The following MACROD2 variants were observed in gnomAD, a reference collection of about 807,000 sequenced individuals.
MACROD2 encodes mono-ADP ribosylhydrolase 2, also known as ADP-ribose glycohydrolase MACROD2.
In MACROD2, 36 loss-of-function variants were observed where a neutral mutation model predicts 70.4. The observed-to-expected ratio is 0.51, with a 90% confidence interval of 0.39 to 0.68. MACROD2 has a LOEUF of 0.68. Ranked by LOEUF, MACROD2 falls within the 30% of genes least tolerant of loss-of-function variation. The probability of loss-of-function intolerance (pLI) is 0.00; values close to 1 mark genes in which losing one functional copy is unlikely to be tolerated. For missense variants in MACROD2, 496 were observed against 538.4 expected, an observed-to-expected ratio of 0.92 and a Z score of 0.78; for synonymous variants, 172 against 178.8, an observed-to-expected ratio of 0.96 and a Z score of 0.30.
chr20:14,274,868 G>A (rs2122373603), intron 3 of MACROD2, among the ~76,000 whole-genome samples: 1 of 150,634 alleles, frequency 6.6e-6, no homozygotes, highest in African/African-American at 2.4e-5. Flanking sequence ...CAAACAGAGA[G>A]CCAAATCATG....
intron 3 of MACROD2, among the ~76,000 whole-genome samples, chr20:14,141,657 A>G (rs528752584): frequency 1.4e-5 from 2 of 147,522 alleles, no homozygotes; most frequent in South Asian, 4.6e-4. Context: ...AGGCAGGAGA[A>G]TTGCTTGAAC....
At chr20:14,340,145 T>G (rs1359265613) in intron 3 of MACROD2, among the ~76,000 whole-genome samples, 4 of 152,152 alleles carry the variant, frequency 2.6e-5, no homozygotes, top group African/African-American at 9.7e-5. Context: ...CTGGCAATCT[T>G]TAGCATGAAA....
chr20:14,228,193 AGT>A (rs1569216034), intron 3 of MACROD2, among the ~76,000 whole-genome samples: 19 of 151,538 alleles, frequency 1.3e-4, no homozygotes, highest in African/African-American at 4.4e-4. Flanking sequence ...AGAGAGAGAG[AGT>A]GTGTGTGTGC....
intron 12 of MACROD2, among the ~76,000 whole-genome samples, chr20:15,953,585 T>A (rs1568664599): frequency 1.3e-5 from 2 of 152,206 alleles, no homozygotes; most frequent in Non-Finnish European, 2.9e-5. Context: ...CTTTTTTGAA[T>A]CTCAGCTAAT....
At chr20:14,502,525 G>T (rs1035155506) in intron 4 of MACROD2, among the ~76,000 whole-genome samples, 10 of 152,110 alleles carry the variant, frequency 6.6e-5, no homozygotes, top group Admixed American at 2.0e-4. Flanking sequence ...TAAAATGATG[G>T]TTATAATGGT....
intron 8 of MACROD2, among the ~76,000 whole-genome samples, chr20:15,825,170 C>T (rs2063983418): frequency 6.6e-6 from 1 of 152,144 alleles, no homozygotes; most frequent in Non-Finnish European, 1.5e-5. Flanking sequence ...GTCATGCCCC[C>T]CACTGAAAGG....
At chr20:15,760,586 A>G (rs375978119) in intron 8 of MACROD2, among the ~76,000 whole-genome samples, 7 of 152,154 alleles carry the variant, frequency 4.6e-5, no homozygotes, top group African/African-American at 1.2e-4. Flanking sequence ...GGAATAGGTC[A>G]TGCATCTCTG....
intron 7 of MACROD2, among the ~76,000 whole-genome samples, chr20:15,433,199 G>A (rs2146360676): frequency 6.6e-6 from 1 of 152,056 alleles, no homozygotes; most frequent in Admixed American, 6.6e-5. Flanking sequence ...GGAAATTTTA[G>A]CCAGAGCAAT....
chr20:15,898,549 T>TAAAAAAAAAAAAAAAAA (rs10678216), intron 10 of MACROD2, among the ~76,000 whole-genome samples: 1 of 94,530 alleles, frequency 1.1e-5, no homozygotes, highest in Non-Finnish European at 1.9e-5. Context: ...AGACTCAGTC[T>TAAAAAAAAAAAAAAAAA]AAAAAAAAAA....
intron 8 of MACROD2, among the ~76,000 whole-genome samples, chr20:15,753,164 G>A (rs570522698): frequency 5.9e-5 from 9 of 151,996 alleles, no homozygotes; most frequent in Admixed American, 1.3e-4. Flanking sequence ...GGAGGTACAC[G>A]TGCAGATTTG....
At chr20:14,050,038 A>G (rs1379698127) in intron 2 of MACROD2, among the ~76,000 whole-genome samples, 3 of 150,650 alleles carry the variant, frequency 2.0e-5, no homozygotes, top group Admixed American at 6.7e-5. Flanking sequence ...GTGAGCCGAG[A>G]TCGCACCATT....
In MACROD2 at chr20:14,237,975, T is replaced by C. The variant is rs544091543; in HGVS notation, c.271+152247T>C. Among the ~76,000 whole-genome samples the C allele has an allele frequency of 8.0e-3, 1,210 of 152,114 alleles. 15 individuals carry two copies. The highest frequency in any genetic ancestry group is 0.028 in the African/African-American group (1,149 of 41,462). On this transcript the variant is annotated intron_variant, in intron 3 of 17. Coordinates refer to ENST00000684519, the MANE Select transcript of MACROD2 (RefSeq NM_001351661.2). ...GACCTTTGGGTTGGTTCCAAGTCTT[T>C]GCTATTGTGAATAGTGCCACAATAA... is the stretch of plus-strand genomic sequence containing the variant.
chr20:14,708,284 A>G (rs1324306497), intron 5 of MACROD2, among the ~76,000 whole-genome samples: 7 of 152,224 alleles, frequency 4.6e-5, no homozygotes, highest in Non-Finnish European at 8.8e-5. Context: ...GCCAGATAGT[A>G]AATATGTTCA....
intron 5 of MACROD2, among the ~76,000 whole-genome samples, chr20:14,703,363 G>T (rs1411708159): frequency 2.0e-5 from 3 of 152,090 alleles, no homozygotes; most frequent in African/African-American, 7.2e-5. Context: ...AGTCACGCAG[G>T]AATATTTACT....
intron 5 of MACROD2, among the ~76,000 whole-genome samples, chr20:14,787,115 T>G (rs1318402353): frequency 6.6e-6 from 1 of 152,124 alleles, no homozygotes; most frequent in African/African-American, 2.4e-5. Context: ...ATTTTTGATC[T>G]GTCATGTACA....
chr20:14,414,939 T>C (rs896309908), intron 3 of MACROD2, among the ~76,000 whole-genome samples: 1 of 152,024 alleles, frequency 6.6e-6, no homozygotes, highest in African/African-American at 2.4e-5. Flanking sequence ...GTTTTTTTTT[T>C]TTTCCCATGG....
intron 6 of MACROD2, among the ~76,000 whole-genome samples, chr20:15,400,912 G>A (rs912190208): frequency 1.3e-5 from 2 of 152,206 alleles, no homozygotes; most frequent in Non-Finnish European, 2.9e-5. Flanking sequence ...GGAGGGAAGA[G>A]AAATGACAGA....
chr20:15,583,498 A>C (rs1302767654), intron 8 of MACROD2, among the ~76,000 whole-genome samples: 1 of 152,160 alleles, frequency 6.6e-6, no homozygotes, highest in Non-Finnish European at 1.5e-5. Context: ...TGTAGCTTGT[A>C]ATCTCCTACG....
At position 15,937,481 on chromosome 20, in the gene MACROD2, G is replaced by C. The variant is rs1221130900; in HGVS notation, c.844G>C (p.Val282Leu). The C allele has an allele frequency of 5.0e-6, 8 of 1,613,286 alleles. No homozygotes were observed. Among genetic ancestry groups the C allele is most frequent in the Non-Finnish European group, 6.8e-6 (8 of 1,179,448 alleles). Reference sequence around the variant, plus strand: ...GTTTCTTTTCTGCTTTATAGATGGTGTCAACACTGTCACTGTGCCCGGCCC... The same window carrying C: ...GTTTCTTTTCTGCTTTATAGATGGTCTCAACACTGTCACTGTGCCCGGCCC... Reference protein sequence around the residue: ...MEEQSQDADGVNTVTVPGPAS... With the variant: ...MEEQSQDADGLNTVTVPGPAS... The change falls in exon 12 of 18, where the codon GTC (valine) becomes CTC (leucine). Residue 282 changes from valine to leucine, a missense_variant. Physicochemically the swap from Val to Leu is conservative, Grantham distance 32. Transcript: ENST00000684519.
Sources: gnomAD v4.1 joint callset for allele counts (sites outside exome capture counted in the v4.1 genomes callset) on GRCh38, gnomAD v4.1.1 for gene constraint, MANE v1.5 for transcripts, NCBI Gene and HGNC (gene_info 2026-07-23, HGNC 2026-07-21) for gene names.